Variants in RASA2 observed in about 807,000 individuals in gnomAD.
RASA2 encodes ras GTPase-activating protein 2.
Under a neutral mutation model 118.2 loss-of-function variants are expected in RASA2, and 155 were observed. The observed-to-expected ratio is 1.31, with a 90% CI of 1.15 to 1.50. The LOEUF (loss-of-function observed/expected upper bound fraction) is 1.50, where lower values mean the gene tolerates loss of function less well. Among genes scored for constraint, RASA2 ranks in the 40% most tolerant of loss-of-function variants. RASA2 has a pLI of 0.00. For synonymous variants in RASA2, 353 were observed against 349.1 expected (o/e 1.01, Z -0.12); for missense variants, 1,016 against 1,009.6 (o/e 1.01, Z -0.09).
chr3:141,540,340 A>T (rs910763144), intron 4 of RASA2, among the ~76,000 whole-genome samples, 193 bp from the exon 5 acceptor site: 2 of 152,166 alleles, frequency 1.3e-5, no homozygotes, highest in African/African-American at 4.8e-5. Flanking sequence ...GTTTGACATA[A>T]GTATTTGTTT....
At chr3:141,568,181 G>A (rs1243401657) in intron 9 of RASA2, among the ~76,000 whole-genome samples, 1 of 151,932 alleles carries the variant, frequency 6.6e-6, no homozygotes, top group Non-Finnish European at 1.5e-5. Flanking sequence ...TCCATTCATT[G>A]CATGAATATT....
intron 3 of RASA2, 137 bp from the exon 4 acceptor site, chr3:141,529,571 A>C (rs1336527021): frequency 2.0e-6 from 1 of 511,436 alleles, no homozygotes; most frequent in Non-Finnish European, 3.2e-6. Context: ...AAAATGCTTT[A>C]TAAAAATGGA....
chr3:141,563,300 TTTTTG>T (rs1317739788), intron 9 of RASA2, among the ~76,000 whole-genome samples: 1 of 152,120 alleles, frequency 6.6e-6, no homozygotes, highest in African/African-American at 2.4e-5. Context: ...ATATATGAGT[TTTTTG>T]TTTTGTTTTC....
At chr3:141,589,814 C>T (rs1399873651) in intron 19 of RASA2, among the ~76,000 whole-genome samples, 1 of 151,162 alleles carries the variant, frequency 6.6e-6, no homozygotes, top group African/African-American at 2.4e-5. Flanking sequence ...GCATTCCAGC[C>T]TGGGTAACAG....
At chr3:141,495,686 A>G (rs771900062) in intron 1 of RASA2, among the ~76,000 whole-genome samples, 1 of 152,244 alleles carries the variant, frequency 6.6e-6, no homozygotes, top group Non-Finnish European at 1.5e-5. Context: ...AAATGTCTAT[A>G]CACCATGCAT....
At position 141,487,194 on chromosome 3, in the gene RASA2, G is replaced by A. The variant is rs1481760610; in HGVS notation, c.111G>A (p.Leu37=). Residue 37 remains leucine (L), a synonymous_variant, in exon 1 of 24, where the codon TTG becomes TTA. Transcript: ENST00000286364. The part of the protein sequence containing the change: ...GDQDSREVRV[L]QSLRGKICEA... ...AGGACAGTCGCGAGGTTCGAGTGTT[G>A]CAGAGCCTGCGGGGCAAGATCTGTA... 1.4e-6 allele frequency: 2 copies of A among 1,453,238 alleles called. No homozygotes were observed. The highest frequency in any genetic ancestry group is 1.8e-6 in the Non-Finnish European group (2 of 1,092,144). The allele number at this position is 1,453,238 out of a possible 1,614,324, so 90.0% of individuals were successfully genotyped here.
At chr3:141,503,386 G>T (rs183345330) in intron 1 of RASA2, among the ~76,000 whole-genome samples, 2 of 152,092 alleles carry the variant, frequency 1.3e-5, no homozygotes, top group African/African-American at 4.8e-5. Flanking sequence ...AATTTATATG[G>T]TAGGATTTGA....
chr3:141,611,460 G>C (rs1577839794), intron 23 of RASA2, among the ~76,000 whole-genome samples: 1 of 152,188 alleles, frequency 6.6e-6, no homozygotes, highest in South Asian at 2.1e-4. Flanking sequence ...ACAAAGAAGT[G>C]GATAGGGCGG....
chr3:141,530,994 T>G (rs1259277627), intron 4 of RASA2, among the ~76,000 whole-genome samples: 1 of 152,130 alleles, frequency 6.6e-6, no homozygotes, highest in Non-Finnish European at 1.5e-5. Flanking sequence ...TAAAAGTTGC[T>G]GTGTTCGATT....
At position 141,612,751 on chromosome 3, in the gene RASA2, C is replaced by T. The variant is rs2083671957; in HGVS notation, c.*438C>T. The T allele has an allele frequency of 6.5e-6, 1 of 153,808 alleles. No homozygotes were observed. The highest frequency in any genetic ancestry group is 2.4e-5 in the African/African-American group (1 of 41,418). 9.5% of individuals were successfully genotyped at this position (153,808 alleles called of 1,614,324 possible). A position where few individuals can be genotyped will look rare whatever the true frequency, so the allele number is the denominator to read the frequency against. Reference sequence around the variant, plus strand: ...CAATTCATGACAGTTCAGAGCTTTTCATTTAGTTCATGTAGACCCTCCCAC... The same window carrying T: ...CAATTCATGACAGTTCAGAGCTTTTTATTTAGTTCATGTAGACCCTCCCAC... On this transcript the variant is annotated 3_prime_UTR_variant, in exon 24 of 24. Transcript: ENST00000286364.
chr3:141,512,569 A>G (rs2081967357), intron 2 of RASA2, among the ~76,000 whole-genome samples: 2 of 152,238 alleles, frequency 1.3e-5, no homozygotes, highest in African/African-American at 2.4e-5. Flanking sequence ...TAAAGTTCAT[A>G]GAAGTTGCTT....
chr3:141,609,223 CCTT>C (rs1210394565), intron 21 of RASA2, among the ~76,000 whole-genome samples, 194 bp from the exon 22 acceptor site: 2 of 152,162 alleles, frequency 1.3e-5, no homozygotes, highest in African/African-American at 2.4e-5. Flanking sequence ...AAATTTCCCT[CCTT>C]CTGATTAGAG....
At chr3:141,593,931 G>C (rs780666262) in intron 19 of RASA2, among the ~76,000 whole-genome samples, 3 of 152,152 alleles carry the variant, frequency 2.0e-5, no homozygotes, top group Admixed American at 6.5e-5. Context: ...AAGAAACACA[G>C]AATTATAATG....
At chr3:141,586,214 C>T (rs1577791565) in intron 18 of RASA2, 116 bp downstream of exon 18, 1 of 889,014 alleles carries the variant, frequency 1.1e-6, no homozygotes, top group Non-Finnish European at 1.6e-6. Flanking sequence ...TTAGAACTGC[C>T]AAAATTAGCA....
chr3:141,599,613 T>A (rs1183353970), intron 19 of RASA2, among the ~76,000 whole-genome samples: 2 of 152,128 alleles, frequency 1.3e-5, no homozygotes, highest in Non-Finnish European at 2.9e-5. Flanking sequence ...TATAAGTGAA[T>A]TTTTATTGGG....
At chr3:141,555,753 A>G (rs1478175993) in intron 6 of RASA2, 87 bp from the exon 7 acceptor site, 3 of 1,095,858 alleles carry the variant, frequency 2.7e-6, no homozygotes, top group Non-Finnish European at 4.0e-6. Flanking sequence ...TTTTAAATGG[A>G]GGTCAGGCTC....
chr3:141,501,809 A>T (rs1302977413), intron 1 of RASA2, among the ~76,000 whole-genome samples: 1 of 152,176 alleles, frequency 6.6e-6, no homozygotes, highest in East Asian at 1.9e-4. Flanking sequence ...AGTCAATACC[A>T]GAGACTATAT....
intron 9 of RASA2, among the ~76,000 whole-genome samples, chr3:141,566,058 A>C (rs1275783222): frequency 1.3e-5 from 2 of 152,232 alleles, no homozygotes; most frequent in African/African-American, 2.4e-5. Context: ...TCTATTTTTA[A>C]ATGAATTAAT....
At position 141,586,723 on chromosome 3, in the gene RASA2, G is replaced by C. The variant is rs779954976; in HGVS notation, c.1904G>C (p.Ser635Thr). ...AAGAAACGATGGTTCTGCTTAACAA[G>C]CAGAGAGCTCACCTACCACAAACAG... ...NFKKRWFCLT[S>T]RELTYHKQPG... Residue 635 changes from serine (S) to threonine (T), a missense_variant, in exon 19 of 24, where the codon AGC becomes ACC. This residue lies in a region of RASA2 where 896 missense variants were observed against 836.4 expected (regional missense o/e 1.07). Transcript: ENST00000286364. The C allele has an allele frequency of 1.5e-5, 24 of 1,613,312 alleles. No homozygotes were observed. The highest frequency in any genetic ancestry group is 1.8e-5 in the Non-Finnish European group (21 of 1,179,528).
Sources: allele counts gnomAD v4.1 joint callset (sites outside exome capture counted in the v4.1 genomes callset), GRCh38; gene constraint gnomAD v4.1.1; regional missense constraint gnomAD v4.1.1; transcripts MANE v1.5; gene names NCBI Gene and HGNC (gene_info 2026-07-23, HGNC 2026-07-21).